MUC7: variants seen among roughly 807,000 people sequenced by gnomAD.
MUC7 encodes mucin-7.
Under a neutral mutation model 2.5 loss-of-function variants are expected in MUC7, and 2 were observed. The ratio of observed to expected loss-of-function variants is 0.81; its 90% CI spans 0.33 to 2.55. The LOEUF (loss-of-function observed/expected upper bound fraction) is 2.55. Ranked by LOEUF, MUC7 falls within the 30% of genes most tolerant of loss-of-function variation. MUC7 has a pLI of 0.11. For missense variants in MUC7, 408 were observed against 455.6 expected, an observed-to-expected ratio of 0.90 and a Z score of 0.95; for synonymous variants, 133 against 173.4, an observed-to-expected ratio of 0.77 and a Z score of 1.83.
Position 70,481,695 on chromosome 4 carries a change from T to G in MUC7, c.951T>G (p.Thr317=), listed in dbSNP as rs1735199708. ...PITTPNSSPT[T]LAPDTSETSA... is the part of the protein sequence containing the mutation. ...CCACACCTAATTCTTCCCCAACTAC[T>G]CTTGCACCTGACACTTCTGAAACTT... Residue 317 remains threonine (T), a synonymous_variant, in exon 3 of 3, where the codon ACT becomes ACG. Coordinates refer to ENST00000304887, the MANE Select transcript of MUC7 (RefSeq NM_152291.3). 6.2e-7 allele frequency: 1 copy of G among 1,614,110 alleles called. No homozygotes were observed. Among genetic ancestry groups the G allele is most frequent in the Non-Finnish European group, 8.5e-7 (1 of 1,180,028 alleles).
At chr4:70,437,428 G>A (rs1353619943) in intron 1 of MUC7, among the ~76,000 whole-genome samples, 1 of 150,734 alleles carries the variant, frequency 6.6e-6, no homozygotes, top group Non-Finnish European at 1.5e-5. Context: ...CTCAGCAATG[G>A]CAAATGCCCC....
chr4:70,456,741 T>C (rs888742518), intron 1 of MUC7, among the ~76,000 whole-genome samples: 8 of 152,146 alleles, frequency 5.3e-5, no homozygotes, highest in Admixed American at 3.3e-4. Context: ...AGCCAAACCA[T>C]AGCAAGGGAA....
At chr4:70,461,035 A>G (rs1734544652) in intron 1 of MUC7, among the ~76,000 whole-genome samples, 1 of 152,170 alleles carries the variant, frequency 6.6e-6, no homozygotes, top group African/African-American at 2.4e-5. Flanking sequence ...GATGTGGACC[A>G]CTGAAGGTCT....
intron 1 of MUC7, among the ~76,000 whole-genome samples, chr4:70,432,009 G>C (rs1733680492): frequency 6.6e-6 from 1 of 151,660 alleles, no homozygotes; most frequent in Non-Finnish European, 1.5e-5. Context: ...TTGGTTTTTT[G>C]TCCTCATGAT....
At chr4:70,444,314 C>T (rs986713628) in intron 1 of MUC7, among the ~76,000 whole-genome samples, 18 of 152,208 alleles carry the variant, frequency 1.2e-4, no homozygotes, top group Admixed American at 6.5e-5. Flanking sequence ...CATCCCCATC[C>T]CCTCTTCCTT....
intron 1 of MUC7, among the ~76,000 whole-genome samples, chr4:70,452,641 CTG>C (rs1734307453): frequency 6.6e-6 from 1 of 151,986 alleles, no homozygotes; most frequent in Admixed American, 6.6e-5. Flanking sequence ...ATGGTACTTC[CTG>C]TGTCTTAAAA....
intron 1 of MUC7, among the ~76,000 whole-genome samples, chr4:70,437,411 C>T (rs1462565022): frequency 7.9e-5 from 12 of 151,978 alleles, no homozygotes; most frequent in Non-Finnish European, 1.8e-4. Context: ...GAACTGCCCA[C>T]TCAAGCCTCA....
rs570576684 is a variant in MUC7 at position 70,465,385 on chromosome 4, T to G, written c.-92-6830T>G. 2.6e-5 allele frequency among the ~76,000 whole-genome samples: 4 copies of G among 151,986 alleles called. No individual in the cohort carries two copies. In the South Asian group the frequency reaches 8.3e-4, roughly 32 times the overall value. Reference sequence around the variant, plus strand: ...CTCCTTGCCAGCAAGGGAACAAAAGTGGACAGAGAATGAGTTTGACAAATT... The same window carrying G: ...CTCCTTGCCAGCAAGGGAACAAAAGGGGACAGAGAATGAGTTTGACAAATT... On this transcript the variant is annotated intron_variant, in intron 1 of 3. Transcript: ENST00000413702.
At chr4:70,450,583 G>A (rs113227722) in intron 1 of MUC7, among the ~76,000 whole-genome samples, 4,448 of 152,260 alleles carry the variant, frequency 0.029, 92 homozygotes, top group Non-Finnish European at 0.043. Flanking sequence ...AGTCTCAGAG[G>A]CTCACCCAAG....
intron 1 of MUC7, among the ~76,000 whole-genome samples, chr4:70,436,631 T>G (rs1474420201): frequency 6.6e-6 from 1 of 152,208 alleles, no homozygotes; most frequent in Non-Finnish European, 1.5e-5. Context: ...TTCCTTGCAA[T>G]GGGTTAGAAC....
intron 1 of MUC7, among the ~76,000 whole-genome samples, chr4:70,433,048 G>C (rs935398307): frequency 6.6e-6 from 1 of 152,092 alleles, no homozygotes; most frequent in African/African-American, 2.4e-5. Flanking sequence ...GTAGATCTAT[G>C]GTATTATTTC....
At chr4:70,450,782 C>A (rs918512596) in intron 1 of MUC7, among the ~76,000 whole-genome samples, 2 of 152,144 alleles carry the variant, frequency 1.3e-5, no homozygotes, top group East Asian at 1.9e-4. Flanking sequence ...ATGACTCTGA[C>A]CAATGCCCTA....
At chr4:70,448,975 T>G (rs1734212506) in intron 1 of MUC7, among the ~76,000 whole-genome samples, 1 of 152,214 alleles carries the variant, frequency 6.6e-6, no homozygotes, top group Non-Finnish European at 1.5e-5. Flanking sequence ...GGGTCTAATT[T>G]CATTCTTCTG....
chr4:70,438,003 A>T (rs966328847), intron 1 of MUC7, among the ~76,000 whole-genome samples: 12 of 152,236 alleles, frequency 7.9e-5, no homozygotes, highest in African/African-American at 2.9e-4. Context: ...AATAATTTTT[A>T]AAAGAATATA....
intron 1 of MUC7, among the ~76,000 whole-genome samples, chr4:70,456,527 C>T (rs1734419170): frequency 6.6e-6 from 1 of 152,134 alleles, no homozygotes; most frequent in African/African-American, 2.4e-5. Context: ...AAGCAAGGCA[C>T]ATCTTATATG....
chr4:70,458,265 T>C (rs1464303886), intron 1 of MUC7, among the ~76,000 whole-genome samples: 2 of 152,018 alleles, frequency 1.3e-5, no homozygotes, highest in South Asian at 2.1e-4. Context: ...ATAAAATCTC[T>C]ACTTATTCAT....
rs144894876 is a variant in MUC7, at chr4:70,450,229, C to A, written c.-93+19542C>A. ...GCAGAGGAGCCTCACCCCATAGCCA[C>A]TGCCACCCCAGGCACAAGGGGTACT... On this transcript the variant is annotated intron_variant, in intron 1 of 3. Coordinates refer to the MUC7 transcript ENST00000413702. Among the ~76,000 whole-genome samples the A allele has an allele frequency of 7.9e-5, 12 of 152,336 alleles. No individual in the cohort carries two copies. In the East Asian group the frequency reaches 2.3e-3, roughly 29 times the overall value.
At chr4:70,454,403 GGTTTT>G in intron 1 of MUC7, among the ~76,000 whole-genome samples, 1 of 152,116 alleles carries the variant, frequency 6.6e-6, no homozygotes, top group Non-Finnish European at 1.5e-5. Context: ...ACTTAAGCCC[GGTTTT>G]GTTTTGTGCT....
intron 1 of MUC7, among the ~76,000 whole-genome samples, chr4:70,447,396 A>G (rs990332547): frequency 1.3e-5 from 2 of 152,162 alleles, no homozygotes; most frequent in African/African-American, 4.8e-5. Flanking sequence ...ATTTTGAGGA[A>G]GGAGGTAGCT....
Sources: allele counts gnomAD v4.1 joint callset (sites outside exome capture counted in the v4.1 genomes callset), GRCh38; gene constraint gnomAD v4.1.1; transcripts MANE v1.5; gene names NCBI Gene and HGNC (gene_info 2026-07-23, HGNC 2026-07-21).